The following ZMAT4 variants were observed in gnomAD, a reference collection of about 807,000 sequenced individuals.
ZMAT4 encodes the protein zinc finger matrin-type protein 4.
Under a neutral mutation model 28.7 loss-of-function variants are expected in ZMAT4, and 17 were observed. The ratio of observed to expected loss-of-function variants is 0.59; its 90% CI spans 0.41 to 0.89. The LOEUF (loss-of-function observed/expected upper bound fraction) is 0.89. Ranked by LOEUF, ZMAT4 falls within the 40% of genes least tolerant of loss-of-function variation. The pLI is 0.00. For missense variants in ZMAT4, 240 were observed against 283.8 expected (o/e 0.85, Z 1.11); for synonymous variants, 117 against 109.2 (o/e 1.07, Z -0.44).
At chr8:40,608,959 G>T (rs1160566113) in intron 5 of ZMAT4, among the ~76,000 whole-genome samples, 1 of 152,052 alleles carries the variant, frequency 6.6e-6, no homozygotes, top group African/African-American at 2.4e-5. Flanking sequence ...ACCTTCAAAG[G>T]GTCTGTGGAT....
At chr8:40,568,838 G>A (rs549129627) in intron 6 of ZMAT4, among the ~76,000 whole-genome samples, 3 of 152,188 alleles carry the variant, frequency 2.0e-5, no homozygotes, top group Admixed American at 6.5e-5. Flanking sequence ...AACCTTTCTT[G>A]ATGGCTCCAG....
intron 6 of ZMAT4, among the ~76,000 whole-genome samples, chr8:40,533,479 C>G (rs1379651831): frequency 6.6e-6 from 1 of 152,208 alleles, no homozygotes; most frequent in East Asian, 1.9e-4. Context: ...AGACTCTTTT[C>G]ACAGGTTTTC....
intron 1 of ZMAT4, among the ~76,000 whole-genome samples, chr8:40,875,124 G>T (rs1173455450): frequency 6.6e-6 from 1 of 152,190 alleles, no homozygotes; most frequent in African/African-American, 2.4e-5. Flanking sequence ...AAAGCTAGAT[G>T]CTTGCCTCTC....
intron 6 of ZMAT4, among the ~76,000 whole-genome samples, chr8:40,569,976 T>C (rs1804041681): frequency 6.6e-6 from 1 of 152,200 alleles, no homozygotes; most frequent in African/African-American, 2.4e-5. Context: ...CCTTGACTAC[T>C]CTGTATTCCA....
chr8:40,678,629 C>T (rs899452906), intron 4 of ZMAT4, among the ~76,000 whole-genome samples: 4 of 152,180 alleles, frequency 2.6e-5, no homozygotes, highest in African/African-American at 9.6e-5. Context: ...TTCTTAAATA[C>T]CACCTTGTAA....
At chr8:40,723,542 C>A (rs1444393495) in intron 3 of ZMAT4, among the ~76,000 whole-genome samples, 181 of 66,850 alleles carry the variant, frequency 2.7e-3, no homozygotes, top group South Asian at 8.1e-3. Context: ...GATTCCATCT[C>A]AAAAAAAAAA....
chr8:40,549,528 G>C (rs1047807854), intron 6 of ZMAT4, among the ~76,000 whole-genome samples: 1 of 152,122 alleles, frequency 6.6e-6, no homozygotes, highest in Non-Finnish European at 1.5e-5. Context: ...TTTGATGAGA[G>C]AATGGCTCCT....
At chr8:40,639,461 C>T (rs1806923641) in intron 5 of ZMAT4, among the ~76,000 whole-genome samples, 1 of 152,076 alleles carries the variant, frequency 6.6e-6, no homozygotes, top group Non-Finnish European at 1.5e-5. Context: ...ATTACTACGA[C>T]TCTTGGCCAT....
At chr8:40,656,707 C>G (rs992679714) in intron 5 of ZMAT4, among the ~76,000 whole-genome samples, 1 of 151,994 alleles carries the variant, frequency 6.6e-6, no homozygotes, top group Admixed American at 6.6e-5. Context: ...TTGATCATTA[C>G]AGGCAGCATG....
chr8:40,857,918 G>A (rs1817354282), intron 1 of ZMAT4, among the ~76,000 whole-genome samples: 1 of 152,146 alleles, frequency 6.6e-6, no homozygotes, highest in African/African-American at 2.4e-5. Flanking sequence ...ACATTACAAT[G>A]TGCATACTGT....
intron 5 of ZMAT4, among the ~76,000 whole-genome samples, chr8:40,625,841 TG>T (rs1352302303): frequency 2.0e-4 from 2 of 10,112 alleles, no homozygotes; most frequent in East Asian, 0.5. Flanking sequence ...CTGGGCGCGG[TG>T]GAATCATGCC....
chr8:40,773,772 TAGC>T (rs1324894097), intron 2 of ZMAT4, among the ~76,000 whole-genome samples: 11 of 151,964 alleles, frequency 7.2e-5, no homozygotes, highest in African/African-American at 2.7e-4. Context: ...TTCACTTTAA[TAGC>T]AGAATCAACA....
chr8:40,576,539 A>G (rs1804269855), intron 6 of ZMAT4, among the ~76,000 whole-genome samples: 3 of 151,978 alleles, frequency 2.0e-5, no homozygotes. Context: ...AGGAAAAAAA[A>G]AAAAAAACTG....
chr8:40,832,238 C>T (rs991566038), intron 1 of ZMAT4, among the ~76,000 whole-genome samples: 1 of 152,178 alleles, frequency 6.6e-6, no homozygotes, highest in Non-Finnish European at 1.5e-5. Context: ...GCCTGAAGAG[C>T]CTCGACTGTC....
intron 3 of ZMAT4, among the ~76,000 whole-genome samples, chr8:40,699,223 A>G (rs1285411686): frequency 6.6e-6 from 1 of 152,102 alleles, no homozygotes; most frequent in Non-Finnish European, 1.5e-5. Flanking sequence ...GTTCCAGCCC[A>G]TTAAATGAGG....
At chr8:40,653,479 T>A (rs1382800580) in intron 5 of ZMAT4, among the ~76,000 whole-genome samples, 1 of 152,010 alleles carries the variant, frequency 6.6e-6, no homozygotes, top group Non-Finnish European at 1.5e-5. Context: ...AGTTGATTAT[T>A]TGAAAAGATC....
intron 5 of ZMAT4, among the ~76,000 whole-genome samples, chr8:40,600,203 TTTTG>T (rs1011678045): frequency 7.2e-5 from 11 of 152,210 alleles, no homozygotes; most frequent in East Asian, 5.8e-4. Context: ...AAAGGTGTTT[TTTTG>T]TTTGTTTGTT....
intron 2 of ZMAT4, among the ~76,000 whole-genome samples, chr8:40,772,235 C>T (rs973248216): frequency 6.6e-6 from 1 of 152,184 alleles, no homozygotes; most frequent in Non-Finnish European, 1.5e-5. Flanking sequence ...CCTTTACCCC[C>T]GATCCTAGGC....
rs112283590 is a variant in ZMAT4, at chr8:40,719,458, A to G, written c.193-22057T>C. ...TCAAAACATAAATAAATAAATGAAT[A>G]AATAAATAAATAAAATACTTTAATG... On this transcript the variant is annotated intron_variant, in intron 3 of 6. Coordinates refer to ENST00000297737, the MANE Select transcript of ZMAT4 (RefSeq NM_024645.3). Among the ~76,000 whole-genome samples, 947 of 152,270 alleles carry G rather than the reference A, an allele frequency of 6.2e-3. 7 individuals carry two copies. Among genetic ancestry groups the G allele is most frequent in the African/African-American group, 0.022 (909 of 41,570 alleles).
Sources: allele counts gnomAD v4.1 joint callset (sites outside exome capture counted in the v4.1 genomes callset), GRCh38; gene constraint gnomAD v4.1.1; transcripts MANE v1.5; gene names NCBI Gene and HGNC (gene_info 2026-07-23, HGNC 2026-07-21).